The following MGAM2 variants were observed in gnomAD, a reference collection of about 807,000 sequenced individuals.
MGAM2 encodes maltase-glucoamylase 2 (putative).
Under a neutral mutation model 96.1 loss-of-function variants are expected in MGAM2, and 98 were observed. The ratio of observed to expected loss-of-function variants is 1.02; its 90% CI spans 0.87 to 1.21. MGAM2 has a LOEUF of 1.21. MGAM2 is among the 50% of genes most tolerant of loss of function. The pLI is 0.00. For synonymous variants in MGAM2, 749 were observed against 414.8 expected (o/e 1.81, Z -9.79); for missense variants, 2,055 against 1,182.4 (o/e 1.74, Z -10.82).
At chr7:142,164,513 G>T (rs1240777331) in intron 23 of MGAM2, among the ~76,000 whole-genome samples, 1 of 151,996 alleles carries the variant, frequency 6.6e-6, no homozygotes, top group Admixed American at 6.6e-5. Context: ...ATATGTGTAT[G>T]TCTTTATCTT....
At chr7:142,182,436 C>G (rs1162389543) in intron 32 of MGAM2, among the ~76,000 whole-genome samples, 2 of 152,132 alleles carry the variant, frequency 1.3e-5, no homozygotes, top group East Asian at 3.9e-4. Flanking sequence ...GCTGCTGTCT[C>G]CCAGCTCAGC....
At chr7:142,215,975 C>CTACCTCTT (rs1797748931) in intron 46 of MGAM2, among the ~76,000 whole-genome samples, 1 of 152,072 alleles carries the variant, frequency 6.6e-6, no homozygotes, top group African/African-American at 2.4e-5. Flanking sequence ...ATGTTGCCTA[C>CTACCTCTT]TACCTCTTTT....
intron 10 of MGAM2, among the ~76,000 whole-genome samples, chr7:142,139,387 C>A (rs577443048): frequency 2.0e-5 from 3 of 152,044 alleles, no homozygotes; most frequent in African/African-American, 7.2e-5. Flanking sequence ...TGGCCCAGTG[C>A]GGTGGCTCAT....
intron 32 of MGAM2, among the ~76,000 whole-genome samples, chr7:142,176,232 C>T (rs1386080983): frequency 1.3e-5 from 2 of 152,072 alleles, no homozygotes; most frequent in African/African-American, 2.4e-5. Context: ...TGGTAAGGCT[C>T]AGATGACATT....
At chr7:142,120,779 A>C (rs1298689219) in intron 3 of MGAM2, among the ~76,000 whole-genome samples, 1 of 152,322 alleles carries the variant, frequency 6.6e-6, no homozygotes, top group East Asian at 1.9e-4. Context: ...AAAATAGATT[A>C]GCATTTACCT....
At chr7:142,189,216 C>G in intron 36 of MGAM2, 151 bp from the exon 37 acceptor site, 1 of 515,724 alleles carries the variant, frequency 1.9e-6, no homozygotes. Context: ...AGACACAGAA[C>G]ATTGTTTTCT....
At chr7:142,174,431 A>T (rs1218859980) in intron 31 of MGAM2, among the ~76,000 whole-genome samples, 2 of 151,972 alleles carry the variant, frequency 1.3e-5, no homozygotes, top group African/African-American at 2.4e-5. Context: ...TATTTGTGGC[A>T]ATTATGAATG....
intron 40 of MGAM2, 95 bp from the exon 41 acceptor site, chr7:142,197,305 C>G (rs780398383): frequency 2.3e-5 from 15 of 648,270 alleles, no homozygotes; most frequent in African/African-American, 5.4e-5. Context: ...GGCTTGTAAC[C>G]TACATTTTGA....
chr7:142,197,801 TC>T (rs1797097986), intron 42 of MGAM2, 73 bp downstream of exon 42: 2 of 699,472 alleles, frequency 2.9e-6, no homozygotes, highest in South Asian at 3.0e-5. Context: ...ATTTTAAAGA[TC>T]ATCTTATTTT....
rs1796798407 is a variant in MGAM2, at chr7:142,189,380, G to A, written c.4221G>A (p.Arg1407=). The A allele has an allele frequency of 1.4e-6, 1 of 702,860 alleles. No homozygotes were observed. The highest frequency in any genetic ancestry group is 2.6e-6 in the Non-Finnish European group (1 of 383,462). The allele number at this position is 702,860 out of a possible 1,614,324, so 43.5% of individuals were successfully genotyped here. The part of the protein sequence containing the change: ...NPPYMPYLES[R]DKGLSSKTLC... Reference sequence around the variant, plus strand: ...ATTTCCCCTCAGATTTGGAATCTAGGGACAAGGGCCTGAGCAGCAAGACTC... The same window carrying A: ...ATTTCCCCTCAGATTTGGAATCTAGAGACAAGGGCCTGAGCAGCAAGACTC... The change falls in exon 37 of 48, where the codon AGG becomes AGA. Residue 1407 remains arginine, a synonymous_variant. Coordinates refer to ENST00000477922, the MANE Select transcript of MGAM2 (RefSeq NM_001293626.2).
chr7:142,151,823 A>G (rs183266156), intron 15 of MGAM2, among the ~76,000 whole-genome samples: 247 of 152,352 alleles, frequency 1.6e-3, no homozygotes, highest in Non-Finnish European at 2.1e-3. Context: ...ATAATGGCCT[A>G]CGCTCCCAGA....
At chr7:142,129,714 A>C (rs1444578918) in intron 3 of MGAM2, among the ~76,000 whole-genome samples, 1 of 150,718 alleles carries the variant, frequency 6.6e-6, no homozygotes, top group Non-Finnish European at 1.5e-5. Context: ...AATCCTAGCT[A>C]CTCAGGAGGC....
At chr7:142,210,579 C>G (rs556166328) in intron 46 of MGAM2, among the ~76,000 whole-genome samples, 58 of 152,156 alleles carry the variant, frequency 3.8e-4, no homozygotes, top group Non-Finnish European at 7.9e-4. Context: ...CCAGGAAGTT[C>G]GAACTGGGCA....
Position 142,120,196 on chromosome 7 carries a change from T to A in MGAM2, c.107-106T>A, listed in dbSNP as rs140443305. Reference sequence around the variant, plus strand: ...AAATGTAGATACCAGCTACCGGTGATCTGTTGTGTGGAGAATTGGCCAAAA... The same window carrying A: ...AAATGTAGATACCAGCTACCGGTGAACTGTTGTGTGGAGAATTGGCCAAAA... On this transcript the variant is annotated intron_variant, in intron 2 of 47. Transcript: ENST00000477922. 303 of 635,916 alleles carry A rather than the reference T, an allele frequency of 4.8e-4. No individual in the cohort carries two copies. The African/African-American group carries it at 5.2e-3, about 11-fold the overall frequency. The allele number at this position is 635,916 out of a possible 1,614,324, so 39.4% of individuals were successfully genotyped here.
chr7:142,208,453 G>T (rs1296903832), intron 45 of MGAM2, 120 bp from the exon 46 acceptor site: 8 of 664,728 alleles, frequency 1.2e-5, no homozygotes, highest in Non-Finnish European at 1.9e-5. Context: ...TCCTCAGAGA[G>T]GTGACAATCA....
In MGAM2 at chr7:142,166,037, G is replaced by T. The variant is rs1333383339; in HGVS notation, c.2653-61G>T. On this transcript the variant is annotated intron_variant, in intron 24 of 47. Coordinates refer to ENST00000477922, the MANE Select transcript of MGAM2 (RefSeq NM_001293626.2). The stretch of plus-strand genomic sequence containing the variant: ...TCCTGACTTCCAGACTTCCAGCCAA[G>T]AACTCTTTCTGGGTGGCTTTCCCTC... 9 of 604,758 alleles carry T rather than the reference G, an allele frequency of 1.5e-5. No individual in the cohort carries two copies. In the Admixed American group the frequency reaches 1.6e-4, roughly 11 times the overall value. The allele number at this position is 604,758 out of a possible 1,614,324, so 37.5% of individuals were successfully genotyped here.
At chr7:142,216,346 CTG>C (rs1388104445) in intron 46 of MGAM2, among the ~76,000 whole-genome samples, 1 of 152,116 alleles carries the variant, frequency 6.6e-6, no homozygotes, top group Non-Finnish European at 1.5e-5. Flanking sequence ...ACTGTTTAAT[CTG>C]TGTTTTTTAA....
Position 142,186,143 on chromosome 7 carries a change from T to TC in MGAM2, c.4122+21dup. The stretch of plus-strand genomic sequence containing the variant: ...TGGATTGTAAGTGCACCCTTGGTTG[T>TC]CTTTTTTTTTTTTTTGGAAATGTTA... On this transcript the variant is annotated intron_variant, in intron 35 of 47. Transcript: ENST00000477922. The TC allele has an allele frequency of 1.5e-6, 1 of 655,506 alleles. No individual in the cohort carries two copies. Among genetic ancestry groups the TC allele is most frequent in the Non-Finnish European group, 2.7e-6 (1 of 370,742 alleles). 40.6% of individuals were successfully genotyped at this position (655,506 alleles called of 1,614,324 possible). A position where few individuals can be genotyped will look rare whatever the true frequency, so the allele number is the denominator to read the frequency against.
At chr7:142,174,487 A>G (rs569121470) in intron 31 of MGAM2, among the ~76,000 whole-genome samples, 100 of 152,200 alleles carry the variant, frequency 6.6e-4, no homozygotes, top group Middle Eastern at 6.8e-3. Flanking sequence ...TTGGTGGTGC[A>G]TAGAAATGCT....
Sources: allele counts gnomAD v4.1 joint callset (sites outside exome capture counted in the v4.1 genomes callset), GRCh38; gene constraint gnomAD v4.1.1; transcripts MANE v1.5; gene names NCBI Gene and HGNC (gene_info 2026-07-23, HGNC 2026-07-21).